Variants in PTPRG observed in about 807,000 individuals in gnomAD.
PTPRG encodes the protein protein tyrosine phosphatase receptor type G.
A neutral mutation model predicts 165.3 loss-of-function variants in PTPRG; 102 were observed. The ratio of observed to expected loss-of-function variants is 0.62; its 90% CI spans 0.53 to 0.73. The LOEUF (loss-of-function observed/expected upper bound fraction) is 0.73, where lower values mean the gene tolerates loss of function less well. PTPRG is among the 30% of genes least tolerant of loss of function. The probability of loss-of-function intolerance (pLI) is 0.00; values close to 1 mark genes in which losing one functional copy is unlikely to be tolerated. For missense variants in PTPRG, 1,866 were observed against 1,861.4 expected (o/e 1.00, Z -0.05); for synonymous variants, 675 against 669.5 (o/e 1.01, Z -0.13).
intron 4 of PTPRG, among the ~76,000 whole-genome samples, chr3:62,063,169 A>T (rs1235489780): frequency 6.6e-6 from 1 of 152,164 alleles, no homozygotes; most frequent in African/African-American, 2.4e-5. Context: ...TTGAACTTGA[A>T]CTTTCATTTT....
chr3:62,033,538 C>G (rs890893559), intron 4 of PTPRG, among the ~76,000 whole-genome samples: 1 of 121,902 alleles, frequency 8.2e-6, no homozygotes, highest in East Asian at 2.1e-4. Context: ...CTTCCCCCCC[C>G]CACCCCCCAC....
At chr3:62,119,039 G>C (rs1359340408) in intron 5 of PTPRG, among the ~76,000 whole-genome samples, 2 of 152,224 alleles carry the variant, frequency 1.3e-5, no homozygotes, top group Non-Finnish European at 2.9e-5. Flanking sequence ...ATAGAGCTGG[G>C]AATACGAAAC....
intron 1 of PTPRG, among the ~76,000 whole-genome samples, chr3:61,678,050 G>C (rs1374278390): frequency 6.6e-6 from 1 of 152,212 alleles, no homozygotes; most frequent in Non-Finnish European, 1.5e-5. Flanking sequence ...ATGTTGGGCA[G>C]ATGAGGATGT....
intron 1 of PTPRG, among the ~76,000 whole-genome samples, chr3:61,748,223 A>G (rs1008388394): frequency 3.9e-5 from 6 of 152,202 alleles, no homozygotes; most frequent in African/African-American, 1.4e-4. Flanking sequence ...ACTGGTACTA[A>G]TCACAAGGAG....
At chr3:61,859,133 T>C (rs914037259) in intron 2 of PTPRG, among the ~76,000 whole-genome samples, 5 of 152,212 alleles carry the variant, frequency 3.3e-5, no homozygotes, top group African/African-American at 7.2e-5. Context: ...AGGAATGATG[T>C]GTCACTCCTT....
chr3:61,689,927 T>C (rs1404892636), intron 1 of PTPRG, among the ~76,000 whole-genome samples: 1 of 152,236 alleles, frequency 6.6e-6, no homozygotes, highest in Non-Finnish European at 1.5e-5. Flanking sequence ...GAAGATTTTC[T>C]AGCTAGAAAG....
At chr3:62,044,974 T>C (rs2107809719) in intron 4 of PTPRG, among the ~76,000 whole-genome samples, 1 of 152,274 alleles carries the variant, frequency 6.6e-6, no homozygotes. Flanking sequence ...AGCATTGTGG[T>C]GGAGGAGAGG....
intron 1 of PTPRG, among the ~76,000 whole-genome samples, chr3:61,605,913 A>C (rs1700992136): frequency 6.6e-6 from 1 of 152,198 alleles, no homozygotes; most frequent in Admixed American, 6.5e-5. Context: ...TGCCAGAACT[A>C]GAAGGCTTTG....
At position 61,562,303 on chromosome 3, in the gene PTPRG, G is replaced by A; in HGVS notation, c.16G>A (p.Glu6Lys). ...GTTTTCGGACATGCGGAGGTTACTG[G>A]AACCGTGTTGGTGGATTTTGTTCCT... MRRLL[E>K]PCWWILFLKI... The change falls in exon 1 of 30, where the codon GAA (glutamate) becomes AAA (lysine). Residue 6 changes from glutamate (E) to lysine (K), a missense_variant. Physicochemically the swap from Glu to Lys is moderately conservative, Grantham distance 56 (BLOSUM62 1). Around this residue, in one of 3 missense-constraint regions of PTPRG, gnomAD observed 408 missense variants for 376.2 expected, o/e 1.08. Coordinates refer to ENST00000474889, the MANE Select transcript of PTPRG (RefSeq NM_002841.4). 6.2e-7 allele frequency: 1 copy of A among 1,613,672 alleles called. No individual in the cohort carries two copies. The highest frequency in any genetic ancestry group is 1.3e-5 in the African/African-American group (1 of 75,032).
chr3:61,756,534 G>A lies in PTPRG; in HGVS notation c.190+7552G>A, dbSNP rs541510048. Among the ~76,000 whole-genome samples the A allele has an allele frequency of 1.3e-4, 20 of 152,228 alleles. No homozygotes were observed. In the South Asian group the frequency reaches 3.7e-3, roughly 28 times the overall value. On this transcript the variant is annotated intron_variant, in intron 2 of 29. Transcript: ENST00000474889. ...ATTGCCTCTCCAGTGTTTGAAAGAC[G>A]TTGTTCTCTCTACTTAGAGTTCTTT... is the stretch of plus-strand genomic sequence containing the variant.
At chr3:61,937,472 C>G (rs992082400) in intron 2 of PTPRG, among the ~76,000 whole-genome samples, 1 of 152,156 alleles carries the variant, frequency 6.6e-6, no homozygotes, top group African/African-American at 2.4e-5. Flanking sequence ...TATCAGATCC[C>G]AAGTCTTAGA....
chr3:61,836,653 A>G (rs998025631), intron 2 of PTPRG, among the ~76,000 whole-genome samples: 1 of 152,244 alleles, frequency 6.6e-6, no homozygotes, highest in African/African-American at 2.4e-5. Context: ...GAGGTGCAGT[A>G]AGTTTTAATA....
chr3:62,039,832 C>A (rs1025813217), intron 4 of PTPRG, among the ~76,000 whole-genome samples: 1 of 92,034 alleles, frequency 1.1e-5, no homozygotes, highest in Non-Finnish European at 2.2e-5. Flanking sequence ...ACAGCACTTG[C>A]CTTTTTTCCC....
At chr3:62,196,444 TA>T (rs1699965760) in intron 10 of PTPRG, among the ~76,000 whole-genome samples, 1 of 151,976 alleles carries the variant, frequency 6.6e-6, no homozygotes, top group African/African-American at 2.4e-5. Flanking sequence ...AAAATAAAAA[TA>T]AAAGCAAAAT....
chr3:61,656,713 TC>T (rs1359700843), intron 1 of PTPRG, among the ~76,000 whole-genome samples: 6 of 152,248 alleles, frequency 3.9e-5, no homozygotes, highest in African/African-American at 1.4e-4. Context: ...CTGGGTCATG[TC>T]CAACATTCTT....
intron 4 of PTPRG, among the ~76,000 whole-genome samples, chr3:62,015,274 C>A (rs2041514605): frequency 6.6e-6 from 1 of 152,146 alleles, no homozygotes; most frequent in African/African-American, 2.4e-5. Context: ...CCTGCCTGGC[C>A]TGTTTGAGGC....
intron 4 of PTPRG, among the ~76,000 whole-genome samples, chr3:62,016,645 T>TTGA (rs1298101777): frequency 1.3e-5 from 2 of 152,226 alleles, no homozygotes. Flanking sequence ...CAATCCACTC[T>TTGA]TTATCCAGTA....
At chr3:62,250,208 A>T (rs1701380613) in intron 15 of PTPRG, among the ~76,000 whole-genome samples, 1 of 152,230 alleles carries the variant, frequency 6.6e-6, no homozygotes, top group Admixed American at 6.5e-5. Flanking sequence ...TGAATTAAGT[A>T]CTGTTAGTTA....
chr3:61,626,022 T>A (rs1216651046), intron 1 of PTPRG, among the ~76,000 whole-genome samples: 2 of 109,760 alleles, frequency 1.8e-5, no homozygotes, highest in East Asian at 4.4e-4. Flanking sequence ...TTTTTTTTTT[T>A]TGGGGGGGCG....
Sources: gnomAD v4.1 joint callset for allele counts (sites outside exome capture counted in the v4.1 genomes callset) on GRCh38, gnomAD v4.1.1 for gene constraint, gnomAD v4.1.1 regional missense constraint, MANE v1.5 for transcripts, NCBI Gene and HGNC (gene_info 2026-07-23, HGNC 2026-07-21) for gene names.